CRYZ: variants seen among roughly 807,000 people sequenced by gnomAD.
The protein encoded by CRYZ is crystallin zeta.
In CRYZ, 35 loss-of-function variants were observed where a neutral mutation model predicts 34.1. That is an observed-to-expected ratio of 1.03 (90% confidence interval 0.78 to 1.36). The LOEUF (loss-of-function observed/expected upper bound fraction) is 1.36. CRYZ is among the 40% of genes most tolerant of loss of function. The pLI is 0.00. For missense variants in CRYZ, 403 were observed against 391.8 expected (o/e 1.03, Z -0.24); for synonymous variants, 137 against 136.5 (o/e 1.00, Z -0.03).
At chr1:74,707,910 G>T in intron 6 of CRYZ, 1 of 152,222 alleles carries the variant, frequency 6.6e-6, no homozygotes, top group Non-Finnish European at 1.5e-5. Context: ...AAAGTAATGG[G>T]CTAAGTAACA....
intron 3 of CRYZ, among the ~76,000 whole-genome samples, chr1:74,722,763 A>T (rs1005672059): frequency 8.9e-4 from 136 of 152,244 alleles, no homozygotes; most frequent in African/African-American, 3.1e-3. Flanking sequence ...TTATAAGAGA[A>T]ATTAAAAATT....
chr1:74,714,663 T>C, intron 4 of CRYZ, 33 bp from the exon 5 acceptor site: 1 of 1,610,074 alleles, frequency 6.2e-7, no homozygotes, highest in Non-Finnish European at 8.5e-7. Flanking sequence ...CATCACCTTA[T>C]TTTTTGAAGC....
chr1:74,719,390 T>C lies in CRYZ; in HGVS notation c.265-18A>G. The C allele has an allele frequency of 6.2e-7, 1 of 1,600,114 alleles. No homozygotes were observed. Among genetic ancestry groups the C allele is most frequent in the Non-Finnish European group, 8.5e-7 (1 of 1,170,032 alleles). Reference sequence around the variant, plus strand: ...TCACCTTTCTAGGGGAAGAGATAAATGAATAAATGCAGGAAGACTAAACAT... The same window carrying C: ...TCACCTTTCTAGGGGAAGAGATAAACGAATAAATGCAGGAAGACTAAACAT... On this transcript the variant is annotated intron_variant, in intron 3 of 8. Transcript: ENST00000340866.
chr1:74,716,646 C>G (rs117497716), intron 4 of CRYZ, among the ~76,000 whole-genome samples: 2 of 152,136 alleles, frequency 1.3e-5, no homozygotes, highest in East Asian at 1.9e-4. Context: ...AATATTATGA[C>G]AGTAATTTAT....
intron 5 of CRYZ, among the ~76,000 whole-genome samples, chr1:74,712,693 A>G (rs1647021665): frequency 6.6e-6 from 1 of 152,204 alleles, no homozygotes. Context: ...TGGGGTGGGC[A>G]CAATTAATTT....
At chr1:74,727,502 G>GGC (rs1647423419) in intron 1 of CRYZ, among the ~76,000 whole-genome samples, 1 of 149,620 alleles carries the variant, frequency 6.7e-6, no homozygotes, top group Non-Finnish European at 1.5e-5. Context: ...CATGGTGGCA[G>GGC]GCGCCTGTAG....
intron 3 of CRYZ, 128 bp from the exon 4 acceptor site, chr1:74,719,500 A>ATTTT: frequency 1.5e-6 from 1 of 656,610 alleles, no homozygotes; most frequent in Non-Finnish European, 2.2e-6. Flanking sequence ...CATATAAATA[A>ATTTT]TTTTTTTTTT....
chr1:74,723,118 C>T lies in CRYZ; in HGVS notation c.264G>A (p.Lys88=). The T allele has an allele frequency of 6.2e-7, 1 of 1,610,588 alleles. No individual in the cohort carries two copies. The highest frequency in any genetic ancestry group is 8.5e-7 in the Non-Finnish European group (1 of 1,179,122). ...EAVGDNASAF[K]KGDRVFTSST... is the part of the protein sequence containing the mutation. ...ATAGAAATAATTAAAAATGCAATAC[C>T]TTGAAAGCAGATGCATTATCTCCAA... is the stretch of plus-strand genomic sequence containing the variant. Residue 88 remains lysine (K), a splice_region_variant and synonymous_variant, in exon 3 of 9, where the codon AAG becomes AAA. Coordinates refer to ENST00000340866, the MANE Select transcript of CRYZ (RefSeq NM_001889.4).
chr1:74,718,928 C>A (rs569219756), intron 4 of CRYZ, among the ~76,000 whole-genome samples: 31 of 152,286 alleles, frequency 2.0e-4, no homozygotes, highest in African/African-American at 6.3e-4. Context: ...CTATGCACAT[C>A]TCTACCACTG....
chr1:74,716,757 C>T (rs1237017353), intron 4 of CRYZ, among the ~76,000 whole-genome samples: 1 of 152,112 alleles, frequency 6.6e-6, no homozygotes, highest in Non-Finnish European at 1.5e-5. Context: ...TGCTCCAGGC[C>T]TTCCTTCCGT....
chr1:74,715,925 G>C (rs28589978), intron 4 of CRYZ, among the ~76,000 whole-genome samples: 53,046 of 139,930 alleles, frequency 0.38, 11,759 homozygotes, highest in Non-Finnish European at 0.51. Context: ...TTTTTTTTTC[G>C]AATGAGATTA....
At chr1:74,714,541 C>T (rs768648785) in intron 5 of CRYZ, 38 bp downstream of exon 5, 3 of 1,593,710 alleles carry the variant, frequency 1.9e-6, no homozygotes, top group Non-Finnish European at 2.6e-6. Context: ...ACCCATAAAC[C>T]CAAGCTTGTT....
chr1:74,723,875 C>T (rs1319340488), intron 2 of CRYZ, among the ~76,000 whole-genome samples: 3 of 152,122 alleles, frequency 2.0e-5, no homozygotes, highest in Non-Finnish European at 2.9e-5. Context: ...TGGACTATTG[C>T]AATTTTTAGG....
At chr1:74,727,661 A>AAC (rs1647445423) in intron 1 of CRYZ, among the ~76,000 whole-genome samples, 1 of 149,598 alleles carries the variant, frequency 6.7e-6, no homozygotes, top group African/African-American at 2.5e-5. Flanking sequence ...AAAAAAAAAA[A>AAC]AAAAAACCCA....
Position 74,719,333 on chromosome 1 carries a change from C to G in CRYZ, c.304G>C (p.Gly102Arg). 6.2e-7 allele frequency: 1 copy of G among 1,612,880 alleles called. No individual in the cohort carries two copies. Among genetic ancestry groups the G allele is most frequent in the South Asian group, 1.1e-5 (1 of 91,034 alleles). ...RVFTSSTISG[G>R]YAEYALAADH... is the part of the protein sequence containing the mutation. ...GCTGCAAGAGCATACTCTGCATAAC[C>G]CCCAGAGATCGTGCTGCTAGTGAAA... The change falls in exon 4 of 9, where the codon GGT becomes CGT. Residue 102 changes from glycine to arginine, a missense_variant. Transcript: ENST00000340866.
chr1:74,727,587 T>TCAC (rs199990395), intron 1 of CRYZ, among the ~76,000 whole-genome samples: 94,394 of 143,896 alleles, frequency 0.66, 31,067 homozygotes, highest in East Asian at 0.78. Context: ...AGCTGAGAGA[T>TCAC]GCCACTACAC....
intron 3 of CRYZ, 28 bp from the exon 4 acceptor site, chr1:74,719,400 C>T: frequency 6.3e-7 from 1 of 1,588,858 alleles, no homozygotes; most frequent in South Asian, 1.1e-5. Flanking sequence ...TGAATAAATG[C>T]AGGAAGACTA....
At chr1:74,723,087 G>T in intron 3 of CRYZ, 31 bp downstream of exon 3, 1 of 1,595,894 alleles carries the variant, frequency 6.3e-7, no homozygotes, top group Non-Finnish European at 8.5e-7. Flanking sequence ...AATAAATTCA[G>T]CCAAAATAGA....
At chr1:74,709,158 GAGTAAGATA>G (rs1256558549) in intron 6 of CRYZ, among the ~76,000 whole-genome samples, 2 of 152,036 alleles carry the variant, frequency 1.3e-5, no homozygotes, top group Non-Finnish European at 2.9e-5. Context: ...AGAGAAAGGG[GAGTAAGATA>G]AAGGTTAAGA....
Sources: allele counts gnomAD v4.1 joint callset (sites outside exome capture counted in the v4.1 genomes callset), GRCh38; gene constraint gnomAD v4.1.1; transcripts MANE v1.5; gene names NCBI Gene and HGNC (gene_info 2026-07-23, HGNC 2026-07-21).